Variants in SLC14A2 observed in about 807,000 individuals in gnomAD.
The protein encoded by SLC14A2 is urea transporter 2.
A neutral mutation model predicts 104.6 loss-of-function variants in SLC14A2; 91 were observed. That is an observed-to-expected ratio of 0.87 (90% CI 0.73 to 1.04). SLC14A2 has a LOEUF of 1.04. SLC14A2 is among the 50% of genes least tolerant of loss of function. The pLI is 0.00. For missense variants in SLC14A2, 1,189 were observed against 1,156.0 expected (o/e 1.03, Z -0.41); for synonymous variants, 476 against 466.4 (o/e 1.02, Z -0.27).
chr18:45,492,533 T>C (rs971739920), intron 2 of SLC14A2, among the ~76,000 whole-genome samples: 1 of 152,126 alleles, frequency 6.6e-6, no homozygotes, highest in Non-Finnish European at 1.5e-5. Flanking sequence ...TGGAAGAAAC[T>C]GCCCCCATAA....
chr18:45,185,176 C>G, the SLC14A2 span, among the ~76,000 whole-genome samples: 1 of 152,168 alleles, frequency 6.6e-6, no homozygotes. Context: ...ACATTTGTGT[C>G]TCAGAACAGT....
At chr18:45,614,826 T>C (rs1285676852), upstream of SLC14A2, 1 of 143,162 alleles carries the variant, frequency 7.0e-6, no homozygotes, top group Non-Finnish European at 1.5e-5. Flanking sequence ...TGAGACACAG[T>C]TTGCTCTGTC....
At chr18:45,363,660 T>A (rs2085637691) in intron 1 of SLC14A2, among the ~76,000 whole-genome samples, 1 of 152,158 alleles carries the variant, frequency 6.6e-6, no homozygotes, top group Admixed American at 6.5e-5. Context: ...TGCTTAGAAG[T>A]GGAAGATGGA....
intron 2 of SLC14A2, among the ~76,000 whole-genome samples, chr18:45,590,607 C>A (rs2044633807): frequency 6.6e-6 from 1 of 152,052 alleles, no homozygotes; most frequent in Admixed American, 6.6e-5. Flanking sequence ...GGTCTTGGCA[C>A]CCTAGGGGTC....
intron 1 of SLC14A2, among the ~76,000 whole-genome samples, chr18:45,267,801 A>C (rs1401510105): frequency 6.6e-6 from 1 of 152,198 alleles, no homozygotes; most frequent in Non-Finnish European, 1.5e-5. Context: ...CTTAGATTGC[A>C]AAGGTGTTTC....
chr18:45,340,502 G>C (rs565856170), intron 1 of SLC14A2, among the ~76,000 whole-genome samples: 1 of 152,188 alleles, frequency 6.6e-6, no homozygotes, highest in Non-Finnish European at 1.5e-5. Context: ...GATTATGAAG[G>C]TAGAGTATCT....
At chr18:45,478,323 A>G (rs1166584971) in intron 1 of SLC14A2, among the ~76,000 whole-genome samples, 1 of 152,128 alleles carries the variant, frequency 6.6e-6, no homozygotes, top group Non-Finnish European at 1.5e-5. Flanking sequence ...TCCACTGTCT[A>G]ACCAGTCCCA....
intron 1 of SLC14A2, among the ~76,000 whole-genome samples, chr18:45,307,417 C>CAA (rs71373705): frequency 9.2e-4 from 53 of 57,328 alleles, no homozygotes; most frequent in Admixed American, 2.2e-3. Context: ...GACTCCATCT[C>CAA]AAAAAAAAAA....
At chr18:45,449,305 T>G (rs1204113151) in intron 1 of SLC14A2, among the ~76,000 whole-genome samples, 25 of 152,184 alleles carry the variant, frequency 1.6e-4, no homozygotes. Context: ...GGGGCAATTC[T>G]GCAAATCCCA....
At chr18:45,565,482 C>T (rs1019125215) in intron 2 of SLC14A2, among the ~76,000 whole-genome samples, 2 of 152,090 alleles carry the variant, frequency 1.3e-5, no homozygotes, top group Non-Finnish European at 2.9e-5. Context: ...CACTTGTGCA[C>T]GTGTAAGCAT....
At chr18:45,303,692 C>T (rs1441331155) in intron 1 of SLC14A2, among the ~76,000 whole-genome samples, 1 of 152,216 alleles carries the variant, frequency 6.6e-6, no homozygotes, top group South Asian at 2.1e-4. Context: ...ATTACAGAAA[C>T]ACCTTGGCAA....
At chr18:45,550,337 T>C (rs185453936) in intron 2 of SLC14A2, among the ~76,000 whole-genome samples, 115 of 152,282 alleles carry the variant, frequency 7.6e-4, no homozygotes, top group African/African-American at 2.6e-3. Flanking sequence ...AACCCCCCAG[T>C]TCTTCCCACT....
intron 1 of SLC14A2, among the ~76,000 whole-genome samples, chr18:45,351,501 T>G (rs1002397697): frequency 2.0e-5 from 3 of 152,056 alleles, no homozygotes; most frequent in African/African-American, 4.8e-5. Flanking sequence ...ACTACAGGCA[T>G]GTACCACCAC....
rs181577199 is a variant in SLC14A2, at chr18:45,477,764, G to A, written c.-124-5469G>A. Reference sequence around the variant, plus strand: ...GGGCTCCACTGAGTCCAAACTTCCTGGTGGCGTTGTTTATACTGTGAGAGG... The same window carrying A: ...GGGCTCCACTGAGTCCAAACTTCCTAGTGGCGTTGTTTATACTGTGAGAGG... On this transcript the variant is annotated intron_variant, in intron 1 of 20. Transcript: ENST00000586448. Among the ~76,000 whole-genome samples, 1,160 of 152,286 alleles carry A rather than the reference G, an allele frequency of 7.6e-3. 19 individuals carry two copies. Among genetic ancestry groups the A allele is most frequent in the Middle Eastern group, 0.014 (4 of 294 alleles).
intron 2 of SLC14A2, among the ~76,000 whole-genome samples, chr18:45,625,271 C>T (rs1280240013): frequency 6.6e-6 from 1 of 152,190 alleles, no homozygotes; most frequent in East Asian, 1.9e-4. Context: ...TTACTCATCA[C>T]TACTTTGAAA....
intron 1 of SLC14A2, among the ~76,000 whole-genome samples, chr18:45,233,241 T>C (rs1401689468): frequency 2.0e-5 from 3 of 152,210 alleles, no homozygotes; most frequent in African/African-American, 7.2e-5. Context: ...GATTCCTGTG[T>C]TGTTTAGGAG....
At chr18:45,399,499 G>A (rs1008723132) in intron 1 of SLC14A2, among the ~76,000 whole-genome samples, 1 of 152,068 alleles carries the variant, frequency 6.6e-6, no homozygotes, top group Non-Finnish European at 1.5e-5. Context: ...GTCTAGCTGG[G>A]GTCCATTGAT....
the SLC14A2 span, among the ~76,000 whole-genome samples, chr18:45,195,734 A>G: frequency 6.6e-6 from 1 of 152,174 alleles, no homozygotes; most frequent in African/African-American, 2.4e-5. Flanking sequence ...AGTAACTTCT[A>G]TATCAGAGTC....
intron 1 of SLC14A2, among the ~76,000 whole-genome samples, chr18:45,232,027 T>C (rs1429262036): frequency 6.7e-6 from 1 of 148,932 alleles, no homozygotes; most frequent in African/African-American, 2.5e-5. Flanking sequence ...TAAGAGTCCA[T>C]TGCAATAGTA....
Sources: gnomAD v4.1 joint callset for allele counts (sites outside exome capture counted in the v4.1 genomes callset) on GRCh38, gnomAD v4.1.1 for gene constraint, MANE v1.5 for transcripts, NCBI Gene and HGNC (gene_info 2026-07-23, HGNC 2026-07-21) for gene names.